Variants in SHANK2 observed in about 807,000 individuals in gnomAD.
SHANK2 encodes the protein SH3 and multiple ankyrin repeat domains 2.
SHANK2 carries 43 observed loss-of-function variants against 133.7 expected under a neutral mutation model. That is an observed-to-expected ratio of 0.32 (90% CI 0.25 to 0.41). The LOEUF (loss-of-function observed/expected upper bound fraction) is 0.41, where lower values mean the gene tolerates loss of function less well. Ranked by LOEUF, SHANK2 falls within the 10% of genes least tolerant of loss-of-function variation. The probability of loss-of-function intolerance (pLI) is 1.00; values close to 1 mark genes in which losing one functional copy is unlikely to be tolerated. For missense variants in SHANK2, 1,994 were observed against 2,235.8 expected (o/e 0.89, Z 2.18); for synonymous variants, 1,017 against 952.8 (o/e 1.07, Z -1.24).
intron 8 of SHANK2, among the ~76,000 whole-genome samples, chr11:71,079,270 G>T (rs1951260047): frequency 6.6e-6 from 1 of 152,214 alleles, no homozygotes; most frequent in Non-Finnish European, 1.5e-5. Flanking sequence ...AGGAATTAAG[G>T]GAAGCCCGAG....
rs1401722896 is a variant in SHANK2, at chr11:70,627,582, T to G, written c.2061+32246A>C. On this transcript the variant is annotated intron_variant, in intron 17 of 25. Coordinates refer to ENST00000601538, the MANE Select transcript of SHANK2 (RefSeq NM_012309.5). ...ATCCTAAACGCTTGGACTAGAAGTATTCTGGATTGCATATATTTTTGGATT... is the reference window on the plus strand; with the variant it reads ...ATCCTAAACGCTTGGACTAGAAGTAGTCTGGATTGCATATATTTTTGGATT... Among the ~76,000 whole-genome samples the G allele has an allele frequency of 3.3e-5, 5 of 152,356 alleles. No individual in the cohort carries two copies. The East Asian group carries it at 9.6e-4, about 29-fold the overall frequency.
At chr11:70,947,176 C>CAT (rs1457946693) in intron 10 of SHANK2, among the ~76,000 whole-genome samples, 7 of 139,436 alleles carry the variant, frequency 5.0e-5, no homozygotes, top group African/African-American at 1.5e-4. Flanking sequence ...CACACACACA[C>CAT]ACACACACAC....
At chr11:71,085,908 T>C (rs1951394816) in intron 8 of SHANK2, among the ~76,000 whole-genome samples, 1 of 480 alleles carries the variant, frequency 2.1e-3, no homozygotes, top group Non-Finnish European at 4.2e-3. Flanking sequence ...ATTAATTATA[T>C]ATTAATATAA....
intron 25 of SHANK2, among the ~76,000 whole-genome samples, chr11:70,482,129 T>C (rs1450356841): frequency 6.6e-6 from 1 of 152,254 alleles, no homozygotes; most frequent in African/African-American, 2.4e-5. Context: ...GTTTAGTGCC[T>C]ACAGTGAATG....
At chr11:71,223,895 T>C (rs2135740484) in intron 2 of SHANK2, among the ~76,000 whole-genome samples, 1 of 152,148 alleles carries the variant, frequency 6.6e-6, no homozygotes, top group Admixed American at 6.5e-5. Flanking sequence ...GGCACGTTGG[T>C]GAGGATAGCT....
At position 70,472,321 on chromosome 11, in the gene SHANK2, T is replaced by C. The variant is rs2058605747; in HGVS notation, c.*548A>G. 1 of 158,608 alleles carries C rather than the reference T, an allele frequency of 6.3e-6. No homozygotes were observed. The highest frequency in any genetic ancestry group is 1.9e-4 in the South Asian group (1 of 5,204). 9.8% of individuals were successfully genotyped at this position (158,608 alleles called of 1,614,324 possible). On this transcript the variant is annotated 3_prime_UTR_variant, in exon 26 of 26. Transcript: ENST00000601538. The surrounding 1 kb of genome is among the most constrained non-coding windows in gnomAD (Gnocchi z 4.4). ...GTTTCTCTGCCTTTCAGGCCCATGA[T>C]GGGGCACTGGACAAATGCATCTGGG...
At position 70,851,927 on chromosome 11, in the gene SHANK2, T is replaced by C. The variant is rs546246740; in HGVS notation, c.1175-31245A>G. Among the ~76,000 whole-genome samples, 5 of 152,282 alleles carry C rather than the reference T, an allele frequency of 3.3e-5. No homozygotes were observed. In the South Asian group the frequency reaches 8.3e-4, roughly 25 times the overall value. ...GAGGCAGACTCATAAACGACTGTGATAGAATGTGATCAATTAATAAGAATC... is the reference window on the plus strand; with the variant it reads ...GAGGCAGACTCATAAACGACTGTGACAGAATGTGATCAATTAATAAGAATC... On this transcript the variant is annotated intron_variant, in intron 11 of 25. Transcript: ENST00000601538.
At chr11:70,492,211 G>C in intron 22 of SHANK2, 124 bp downstream of exon 22, 1 of 1,415,192 alleles carries the variant, frequency 7.1e-7, no homozygotes, top group Non-Finnish European at 9.8e-7. Context: ...TTAGATTTGG[G>C]CCCCACCTCT....
intron 17 of SHANK2, among the ~76,000 whole-genome samples, chr11:70,581,774 G>A (rs1554985515): frequency 6.6e-6 from 1 of 152,222 alleles, no homozygotes; most frequent in African/African-American, 2.4e-5. Flanking sequence ...AGCATTCCAT[G>A]AGTATAGAGA....
chr11:70,663,106 G>C lies in SHANK2; in HGVS notation c.1854-1428C>G, dbSNP rs1453440805. ...GGACACCAGGCCAGCGGCCCAGCCG[G>C]AAAAAGCTGCAGATGGGTCATGAGG... On this transcript the variant is annotated intron_variant, in intron 15 of 25. Transcript: ENST00000601538. Among the ~76,000 whole-genome samples the C allele has an allele frequency of 2.0e-5, 3 of 152,164 alleles. No homozygotes were observed. In the East Asian group the frequency reaches 5.8e-4, roughly 29 times the overall value.
intron 8 of SHANK2, among the ~76,000 whole-genome samples, chr11:71,085,254 C>T (rs1341402170): frequency 5.3e-5 from 8 of 151,430 alleles, no homozygotes; most frequent in Non-Finnish European, 7.4e-5. Flanking sequence ...GTCAGGAGTT[C>T]GAGACAAGCC....
chr11:70,492,787 G>GTTTTT (rs34452642), intron 21 of SHANK2, among the ~76,000 whole-genome samples: 6 of 70,590 alleles, frequency 8.5e-5, no homozygotes, highest in East Asian at 5.0e-4. Context: ...ACATTTCTGT[G>GTTTTT]TTTTTTTTTT....
intron 17 of SHANK2, among the ~76,000 whole-genome samples, chr11:70,621,321 G>A (rs561529957): frequency 6.6e-5 from 10 of 152,312 alleles, no homozygotes; most frequent in South Asian, 6.2e-4. Flanking sequence ...AGGCAGGAGC[G>A]GCCAGGGTAC....
intron 17 of SHANK2, among the ~76,000 whole-genome samples, chr11:70,536,191 G>A (rs537223356): frequency 2.0e-4 from 30 of 152,328 alleles, no homozygotes; most frequent in Admixed American, 6.5e-4. Context: ...CTCACTGCCC[G>A]GCTCTGTGCT....
intron 17 of SHANK2, among the ~76,000 whole-genome samples, chr11:70,565,308 G>A (rs4980539): frequency 0.71 from 108,444 of 152,082 alleles, 38,849 homozygotes; most frequent in South Asian, 0.85. Context: ...GCAGTGGTGC[G>A]ATCTCGGCTC....
chr11:70,764,854 TC>T (rs1555041019), intron 14 of SHANK2, among the ~76,000 whole-genome samples: 2 of 148,380 alleles, frequency 1.3e-5, no homozygotes, highest in East Asian at 1.9e-4. Flanking sequence ...CATCCATCCA[TC>T]CATCCAGTTG....
intron 16 of SHANK2, 31 bp downstream of exon 16, chr11:70,661,565 A>C: frequency 1.7e-5 from 26 of 1,550,360 alleles, no homozygotes; most frequent in Non-Finnish European, 2.1e-5. Context: ...AAACATGGGA[A>C]CATATTCAGG....
chr11:70,912,646 A>G (rs4323896), intron 10 of SHANK2, among the ~76,000 whole-genome samples: 1,783 of 152,306 alleles, frequency 0.012, 35 homozygotes, highest in African/African-American at 0.04. Context: ...CCACGATGAT[A>G]CATCTCTAAA....
chr11:70,496,548 G>A (rs1376784463), intron 21 of SHANK2, among the ~76,000 whole-genome samples: 3 of 152,216 alleles, frequency 2.0e-5, no homozygotes, highest in African/African-American at 7.2e-5. Flanking sequence ...AATGACAGCC[G>A]TCCCTGAATC....
Sources: allele counts gnomAD v4.1 joint callset (sites outside exome capture counted in the v4.1 genomes callset), GRCh38; gene constraint gnomAD v4.1.1; non-coding constraint Gnocchi (gnomAD v3.1); transcripts MANE v1.5; gene names NCBI Gene and HGNC (gene_info 2026-07-23, HGNC 2026-07-21).